FBXW7: variants seen among roughly 807,000 people sequenced by gnomAD.
FBXW7 encodes F-box/WD repeat-containing protein 7.
A neutral mutation model predicts 86.3 loss-of-function variants in FBXW7; 11 were observed. The observed-to-expected ratio is 0.13, with a 90% CI of 0.08 to 0.21. The LOEUF is 0.21. FBXW7 is among the 10% of genes least tolerant of loss of function. FBXW7 has a pLI of 1.00. For synonymous variants in FBXW7, 313 were observed against 297.9 expected (o/e 1.05, Z -0.52); for missense variants, 488 against 847.4 (o/e 0.58, Z 5.27).
intron 2 of FBXW7, among the ~76,000 whole-genome samples, chr4:152,475,507 T>C (rs1409166561): frequency 6.6e-6 from 1 of 152,102 alleles, no homozygotes; most frequent in African/African-American, 2.4e-5. Flanking sequence ...CTATTCAGCA[T>C]TGTCCTGGAA....
At chr4:152,483,124 G>A (rs532050318) in intron 2 of FBXW7, among the ~76,000 whole-genome samples, 8 of 152,020 alleles carry the variant, frequency 5.3e-5, no homozygotes, top group Admixed American at 5.2e-4. Context: ...TATAAATAAT[G>A]CTAAAATTAA....
At chr4:152,525,878 G>A (rs1013534535) in intron 2 of FBXW7, among the ~76,000 whole-genome samples, 5 of 152,080 alleles carry the variant, frequency 3.3e-5, no homozygotes, top group South Asian at 2.1e-4. Flanking sequence ...AAGGAATCGC[G>A]ATACTGATTT....
At chr4:152,421,547 C>T (rs1390829921) in intron 2 of FBXW7, among the ~76,000 whole-genome samples, 2 of 151,920 alleles carry the variant, frequency 1.3e-5, no homozygotes, top group African/African-American at 4.8e-5. Flanking sequence ...TTTAAACATA[C>T]GAAAAAGTGA....
intron 12 of FBXW7, chr4:152,325,667 T>A (rs1212925393): frequency 4.4e-6 from 1 of 227,118 alleles, no homozygotes; most frequent in Non-Finnish European, 8.8e-6. Flanking sequence ...TTTGGCCATA[T>A]TAATCTTCTG....
At chr4:152,519,569 G>A (rs1748819778) in intron 2 of FBXW7, among the ~76,000 whole-genome samples, 1 of 152,138 alleles carries the variant, frequency 6.6e-6, no homozygotes, top group Admixed American at 6.5e-5. Flanking sequence ...TTATTCTACT[G>A]CTAACATATC....
chr4:152,321,732 C>G lies in FBXW7; in HGVS notation c.*1149G>C, dbSNP rs1030498930. 6 of 232,782 alleles carry G rather than the reference C, an allele frequency of 2.6e-5. No homozygotes were observed. The highest frequency in any genetic ancestry group is 4.3e-5 in the Non-Finnish European group (5 of 117,588). The allele number at this position is 232,782 out of a possible 1,614,324, so 14.4% of individuals were successfully genotyped here. ...TTTATATATTTTTAAAATATTTTGT[C>G]AGTTTTACGATGTACGTTCATCCAT... On this transcript the variant is annotated 3_prime_UTR_variant, in exon 14 of 14. Coordinates refer to ENST00000281708, the MANE Select transcript of FBXW7 (RefSeq NM_001349798.2).
At chr4:152,512,777 T>G (rs1748099902) in intron 2 of FBXW7, among the ~76,000 whole-genome samples, 1 of 152,202 alleles carries the variant, frequency 6.6e-6, no homozygotes, top group Admixed American at 6.5e-5. Flanking sequence ...GCATCAGGGT[T>G]CTTTTGAGGT....
At chr4:152,383,197 G>A (rs1388989783) in intron 4 of FBXW7, among the ~76,000 whole-genome samples, 1 of 152,120 alleles carries the variant, frequency 6.6e-6, no homozygotes, top group Non-Finnish European at 1.5e-5. Context: ...AATCTATGAT[G>A]GGAAGTAATT....
chr4:152,527,841 T>G (rs1299146133), intron 2 of FBXW7, among the ~76,000 whole-genome samples: 1 of 150,596 alleles, frequency 6.6e-6, no homozygotes, highest in Admixed American at 6.7e-5. Context: ...ATCAGGAATT[T>G]TTGTTAAAAA....
intron 2 of FBXW7, among the ~76,000 whole-genome samples, chr4:152,494,649 G>T (rs779310362): frequency 6.6e-6 from 1 of 152,094 alleles, no homozygotes; most frequent in Non-Finnish European, 1.5e-5. Flanking sequence ...ATAAGACCAG[G>T]ATATTGGAGA....
Position 152,322,679 on chromosome 4 carries a change from T to A in FBXW7, c.*202A>T. 1.2e-6 allele frequency: 1 copy of A among 863,214 alleles called. No individual in the cohort carries two copies. 53.5% of individuals were successfully genotyped at this position (863,214 alleles called of 1,614,324 possible). Reference sequence around the variant, plus strand: ...TTTATGTGATGAGACAGCAGACGCCTCTCTTGTCAGTTATGGTTTGTCATC... The same window carrying A: ...TTTATGTGATGAGACAGCAGACGCCACTCTTGTCAGTTATGGTTTGTCATC... On this transcript the variant is annotated 3_prime_UTR_variant, in exon 14 of 14. Transcript: ENST00000281708.
intron 2 of FBXW7, among the ~76,000 whole-genome samples, chr4:152,475,884 G>A (rs1319526790): frequency 6.6e-6 from 1 of 152,116 alleles, no homozygotes; most frequent in Non-Finnish European, 1.5e-5. Flanking sequence ...TGGATTGGAA[G>A]GCTCAATATT....
chr4:152,414,744 A>G (rs1005219609), intron 2 of FBXW7, among the ~76,000 whole-genome samples: 2 of 151,984 alleles, frequency 1.3e-5, no homozygotes, highest in African/African-American at 4.8e-5. Flanking sequence ...CTTTCAAGGT[A>G]GTGGAAAGTC....
intron 9 of FBXW7, among the ~76,000 whole-genome samples, chr4:152,330,074 AT>A (rs1230418409): frequency 6.6e-6 from 1 of 151,884 alleles, no homozygotes; most frequent in Non-Finnish European, 1.5e-5. Context: ...AATCTATTCC[AT>A]CTGTTCAAAC....
intron 4 of FBXW7, among the ~76,000 whole-genome samples, chr4:152,388,920 C>T (rs1275083750): frequency 6.6e-6 from 1 of 152,022 alleles, no homozygotes; most frequent in Non-Finnish European, 1.5e-5. Flanking sequence ...GCAGAATTGA[C>T]AGGCAACTCA....
In FBXW7 at chr4:152,435,038, A is replaced by G. The variant is rs1017368826; in HGVS notation, c.-119-22509T>C. 4.3e-5 allele frequency among the ~76,000 whole-genome samples: 5 copies of G among 116,136 alleles called. No individual in the cohort carries two copies. In the Admixed American group the frequency reaches 5.8e-4, roughly 14 times the overall value. The allele number at this position is 116,136 out of a possible 152,430, so 76.2% of individuals were successfully genotyped here. ...TTGAGCAATGGGTTCAGCATGCAAAAGGTTTGGAAACTACTAACGAGAGGC... is the reference window on the plus strand; with the variant it reads ...TTGAGCAATGGGTTCAGCATGCAAAGGGTTTGGAAACTACTAACGAGAGGC... On this transcript the variant is annotated intron_variant, in intron 2 of 13. Coordinates refer to ENST00000281708, the MANE Select transcript of FBXW7 (RefSeq NM_001349798.2).
At chr4:152,456,232 A>T (rs538340948) in intron 2 of FBXW7, among the ~76,000 whole-genome samples, 1 of 152,110 alleles carries the variant, frequency 6.6e-6, no homozygotes, top group South Asian at 2.1e-4. Context: ...CAATGAAAAA[A>T]TTTAGGCACT....
At chr4:152,502,303 T>C (rs551709526) in intron 2 of FBXW7, among the ~76,000 whole-genome samples, 1 of 152,142 alleles carries the variant, frequency 6.6e-6, no homozygotes, top group Non-Finnish European at 1.5e-5. Flanking sequence ...CAGTACTACA[T>C]TTCACTGTGA....
chr4:152,384,636 C>T (rs1735376902), intron 4 of FBXW7, among the ~76,000 whole-genome samples: 1 of 151,784 alleles, frequency 6.6e-6, no homozygotes, highest in African/African-American at 2.4e-5. Context: ...ATATTTAGTG[C>T]CACTGAATTG....
Sources: allele counts gnomAD v4.1 joint callset (sites outside exome capture counted in the v4.1 genomes callset), GRCh38; gene constraint gnomAD v4.1.1; transcripts MANE v1.5; gene names NCBI Gene and HGNC (gene_info 2026-07-23, HGNC 2026-07-21).